The following NCR1 variants were observed in gnomAD, a reference collection of about 807,000 sequenced individuals.
NCR1 encodes the protein natural cytotoxicity triggering receptor 1, also known as NK cell-activating receptor.
In NCR1, 30 loss-of-function variants were observed where a neutral mutation model predicts 32.5. The observed-to-expected ratio is 0.92, with a 90% CI of 0.69 to 1.25. The LOEUF is 1.25. Ranked by LOEUF, NCR1 falls within the 50% of genes most tolerant of loss-of-function variation. The pLI is 0.00. For missense variants in NCR1, 369 were observed against 380.7 expected (o/e 0.97, Z 0.26); for synonymous variants, 169 against 143.4 (o/e 1.18, Z -1.28).
chr19:54,912,674 G>T lies in NCR1; in HGVS notation c.734-16G>T. 7.0e-7 allele frequency: 1 copy of T among 1,422,642 alleles called. No individual in the cohort carries two copies. Among genetic ancestry groups the T allele is most frequent in the Non-Finnish European group, 9.6e-7 (1 of 1,037,222 alleles). 88.1% of individuals were successfully genotyped at this position (1,422,642 alleles called of 1,614,324 possible). A position where few individuals can be genotyped will look rare whatever the true frequency, so the allele number is the denominator to read the frequency against. On this transcript the variant is annotated splice_polypyrimidine_tract_variant and intron_variant, in intron 6 of 6. Transcript: ENST00000291890. ...TTACATCCCTGTCAGCGATCACCCT[G>T]TTCTCCTGCCTACAGACCATGCCCT...
chr19:54,903,525 TAC>T (rs2067367926), upstream of NCR1, among the ~76,000 whole-genome samples: 2 of 142,148 alleles, frequency 1.4e-5, no homozygotes, highest in Non-Finnish European at 1.6e-5. Context: ...CATGTGTGTA[TAC>T]ATATATATGC....
chr19:54,903,382 GTA>G (rs1330237708), upstream of NCR1, among the ~76,000 whole-genome samples: 2 of 125,134 alleles, frequency 1.6e-5, no homozygotes, highest in African/African-American at 3.2e-5. Context: ...ATACATGTAT[GTA>G]TATACATATA....
At chr19:54,926,205 GGTGTGTGTGT>G in the NCR1 span, among the ~76,000 whole-genome samples, 1,671 of 143,738 alleles carry the variant, frequency 0.012, 27 homozygotes, top group African/African-American at 0.039. Context: ...AATGATTAGG[GGTGTGTGTGT>G]GTGTGTGTGT....
chr19:54,927,863 G>T, the NCR1 span: 1 of 1,192,478 alleles, frequency 8.4e-7, no homozygotes, highest in Non-Finnish European at 1.2e-6. Flanking sequence ...AGGCCAAGGC[G>T]GGTGGATCAC....
the NCR1 span, among the ~76,000 whole-genome samples, chr19:54,926,993 G>A: frequency 6.6e-6 from 1 of 151,854 alleles, no homozygotes; most frequent in Non-Finnish European, 1.5e-5. Flanking sequence ...AGGAGGTTGA[G>A]GCAGGAAAAT....
chr19:54,898,395 C>T, the NCR1 span, among the ~76,000 whole-genome samples: 1 of 152,192 alleles, frequency 6.6e-6, no homozygotes, highest in Non-Finnish European at 1.5e-5. Flanking sequence ...AGCTGCGGTT[C>T]AGGCGTTTGG....
At chr19:54,903,600 A>G (rs2067373707), upstream of NCR1, among the ~76,000 whole-genome samples, 1 of 149,374 alleles carries the variant, frequency 6.7e-6, no homozygotes, top group Non-Finnish European at 1.5e-5. Context: ...GTATGTGTAT[A>G]TATGCATGTG....
At chr19:54,936,158 G>T in the NCR1 span, 3 of 1,000,664 alleles carry the variant, frequency 3.0e-6, no homozygotes, top group Admixed American at 3.8e-5. Flanking sequence ...TACATTCCCT[G>T]TCTGGGACGG....
the NCR1 span, among the ~76,000 whole-genome samples, chr19:54,924,620 CTTTAAAAAATAAA>C: frequency 3.9e-5 from 6 of 151,936 alleles, no homozygotes; most frequent in African/African-American, 1.5e-4. Context: ...TAAAACATGC[CTTTAAAAAATAAA>C]TTTAAAAAAT....
the NCR1 span, among the ~76,000 whole-genome samples, chr19:54,927,123 T>A: frequency 6.8e-6 from 1 of 148,118 alleles, no homozygotes; most frequent in South Asian, 2.1e-4. Context: ...GTGCAATGGC[T>A]CACCTCTGTA....
the NCR1 span, among the ~76,000 whole-genome samples, chr19:54,925,017 G>A: frequency 6.6e-6 from 1 of 152,118 alleles, no homozygotes; most frequent in African/African-American, 2.4e-5. Context: ...CAGGGTTAAT[G>A]ATAGCAAACT....
the NCR1 span, among the ~76,000 whole-genome samples, chr19:54,898,418 C>G: frequency 1.3e-5 from 2 of 152,110 alleles, no homozygotes. Context: ...TTCTCGTGTG[C>G]TGGAGATGTG....
chr19:54,907,784 A>G lies in NCR1; in HGVS notation c.355+977A>G, dbSNP rs1288813913. On this transcript the variant is annotated intron_variant, in intron 3 of 6. Transcript: ENST00000291890. ...TCCATTCAAATATCTTCTTTTGTGA[A>G]ATGTCTATTTAAATCTTTTGCCTAT... Among the ~76,000 whole-genome samples the G allele has an allele frequency of 3.9e-5, 6 of 152,116 alleles. No homozygotes were observed. The East Asian group carries it at 1.2e-3, about 29-fold the overall frequency.
the NCR1 span, chr19:54,930,511 A>G: frequency 6.2e-7 from 1 of 1,608,378 alleles, no homozygotes; most frequent in Non-Finnish European, 8.5e-7. Context: ...TAGGTGTTTT[A>G]GGTTACAGTT....
rs200796519 is a variant in NCR1, at chr19:54,909,312, C to G, written c.423C>G (p.Thr141=). ...GPEVISGEKV[T]FYCRLDTATS... ...AAGTGATCTCGGGAGAGAAGGTGAC[C>G]TTCTACTGCCGTCTAGACACTGCAA... Residue 141 remains threonine (T), a synonymous_variant, in exon 4 of 7, where the codon ACC becomes ACG. Coordinates refer to ENST00000291890, the MANE Select transcript of NCR1 (RefSeq NM_004829.7). The G allele has an allele frequency of 3.7e-6, 6 of 1,613,988 alleles. No individual in the cohort carries two copies. Among genetic ancestry groups the G allele is most frequent in the Non-Finnish European group, 5.1e-6 (6 of 1,180,010 alleles).
At chr19:54,935,973 T>C in the NCR1 span, among the ~76,000 whole-genome samples, 10,841 of 152,096 alleles carry the variant, frequency 0.071, 416 homozygotes, top group South Asian at 0.11. Context: ...GGGCCACTGC[T>C]CTCAATCCCA....
rs141527375 is a variant in NCR1 at position 54,906,645 on chromosome 19, A to C, written c.193A>C (p.Ser65Arg). 52 of 1,614,198 alleles carry C rather than the reference A, an allele frequency of 3.2e-5. No individual in the cohort carries two copies. In the African/African-American group the frequency reaches 6.3e-4, roughly 19 times the overall value. Residue 65 changes from serine to arginine, a missense_variant, in exon 3 of 7, where the codon AGC becomes CGC. Coordinates refer to ENST00000291890, the MANE Select transcript of NCR1 (RefSeq NM_004829.7). Reference protein sequence around the residue: ...AVEYQLHFEGSLFAVDRPKPP... With the variant: ...AVEYQLHFEGRLFAVDRPKPP... Reference sequence around the variant, plus strand: ...TGAATACCAGCTGCACTTTGAAGGAAGCCTTTTTGCCGTGGACAGACCAAA... The same window carrying C: ...TGAATACCAGCTGCACTTTGAAGGACGCCTTTTTGCCGTGGACAGACCAAA...
At chr19:54,921,909 T>G in the NCR1 span, among the ~76,000 whole-genome samples, 1 of 152,030 alleles carries the variant, frequency 6.6e-6, no homozygotes, top group African/African-American at 2.4e-5. Flanking sequence ...ATTTTTTTTT[T>G]TTCGAGACAA....
chr19:54,913,210 G>A (rs186163495), downstream of NCR1: 966 of 174,934 alleles, frequency 5.5e-3, 7 homozygotes, highest in Admixed American at 0.016. Context: ...ACAGGCATGT[G>A]CCACCACCCC....
Sources: allele counts gnomAD v4.1 joint callset (sites outside exome capture counted in the v4.1 genomes callset), GRCh38; gene constraint gnomAD v4.1.1; transcripts MANE v1.5; gene names NCBI Gene and HGNC (gene_info 2026-07-23, HGNC 2026-07-21).